Variants in C1orf159 observed in about 807,000 individuals in gnomAD.
C1orf159 encodes the protein chromosome 1 open reading frame 159, also known as uncharacterized protein C1orf159.
In C1orf159, 19 loss-of-function variants were observed where a neutral mutation model predicts 25.6. The ratio of observed to expected loss-of-function variants is 0.74; its 90% CI spans 0.52 to 1.09. The LOEUF (loss-of-function observed/expected upper bound fraction) is 1.09. Among genes scored for constraint, C1orf159 ranks in the 50% least tolerant of loss-of-function variants. The pLI, the probability that C1orf159 is intolerant of heterozygous loss-of-function variation, is 0.00. For synonymous variants in C1orf159, 139 were observed against 124.7 expected (o/e 1.12, Z -0.77); for missense variants, 274 against 290.6 (o/e 0.94, Z 0.42).
chr1:1,100,494 A>G (rs941099767), intron 1 of C1orf159, among the ~76,000 whole-genome samples: 1 of 152,118 alleles, frequency 6.6e-6, no homozygotes, highest in Non-Finnish European at 1.5e-5. Context: ...CGACAGTGAC[A>G]CATCACCACC....
At chr1:1,090,331 T>G in intron 4 of C1orf159, 22 bp downstream of exon 4, 1 of 1,550,352 alleles carries the variant, frequency 6.5e-7, no homozygotes, top group Non-Finnish European at 8.7e-7. Flanking sequence ...GTCTGGAATC[T>G]GCTTGGGACA....
Position 1,082,823 on chromosome 1 carries a change from C to G in C1orf159, c.*70G>C. 1 of 1,377,712 alleles carries G rather than the reference C, an allele frequency of 7.3e-7. No individual in the cohort carries two copies. The highest frequency in any genetic ancestry group is 1.0e-6 in the Non-Finnish European group (1 of 989,938). The allele number at this position is 1,377,712 out of a possible 1,614,324, so 85.3% of individuals were successfully genotyped here. On this transcript the variant is annotated 3_prime_UTR_variant, in exon 10 of 10. Transcript: ENST00000421241. ...CGCCGGGCGATGCCAACACTTTGTG[C>G]TGGTTCCCGCCAAGGGGTCGGCCTC...
chr1:1,082,994 C>T lies in C1orf159; in HGVS notation c.503-7G>A, dbSNP rs375601866. ...ACGTAGCGCGGCTTCCGTACTGAAA[C>T]GGGTCAGAGACAGGCGAGGTCAGAG... On this transcript the variant is annotated splice_region_variant and splice_polypyrimidine_tract_variant and intron_variant, in intron 9 of 9. Coordinates refer to ENST00000421241, the MANE Select transcript of C1orf159 (RefSeq NM_017891.5). The T allele has an allele frequency of 2.0e-5, 32 of 1,587,922 alleles. No homozygotes were observed. The highest frequency in any genetic ancestry group is 1.2e-4 in the African/African-American group (9 of 74,438).
chr1:1,082,273 A>T lies in C1orf159; in HGVS notation c.*620T>A, dbSNP rs1391774764. 1 of 154,180 alleles carries T rather than the reference A, an allele frequency of 6.5e-6. No homozygotes were observed. The highest frequency in any genetic ancestry group is 1.4e-5 in the Non-Finnish European group (1 of 69,130). The allele number at this position is 154,180 out of a possible 1,614,324, so 9.6% of individuals were successfully genotyped here. On this transcript the variant is annotated 3_prime_UTR_variant, in exon 10 of 10. Coordinates refer to ENST00000421241, the MANE Select transcript of C1orf159 (RefSeq NM_017891.5). ...GAATTTCTGCTTAAAAACAGAGATC[A>T]AGAGGAAGCTCTATCCTGCAGCTCC...
chr1:1,083,825 G>T, intron 9 of C1orf159: 1 of 1,237,514 alleles, frequency 8.1e-7, no homozygotes, highest in Non-Finnish European at 1.1e-6. Context: ...CGGAGGCCGG[G>T]TGAGCCCTGC....
Position 1,110,635 on chromosome 1 carries a change from A to G in C1orf159, c.-136+5425T>C, listed in dbSNP as rs1646244049. 6.6e-6 allele frequency among the ~76,000 whole-genome samples: 1 copy of G among 152,194 alleles called. No homozygotes were observed. The highest frequency in any genetic ancestry group is 6.5e-5 in the Admixed American group (1 of 15,280). ...TGTGGGGACACACAGAACCGCTGGGACTTCCACACCTGGGATGCAGCCTTC... is the reference window on the plus strand; with the variant it reads ...TGTGGGGACACACAGAACCGCTGGGGCTTCCACACCTGGGATGCAGCCTTC... On this transcript the variant is annotated intron_variant, in intron 1 of 9. Coordinates refer to ENST00000421241, the MANE Select transcript of C1orf159 (RefSeq NM_017891.5). The surrounding 1 kb of genome is among the most constrained non-coding windows in gnomAD (Gnocchi z 4.8).
chr1:1,089,968 G>A lies in C1orf159; in HGVS notation c.148+385C>T, dbSNP rs1645901150. Among the ~76,000 whole-genome samples the A allele has an allele frequency of 6.6e-6, 1 of 152,172 alleles. No homozygotes were observed. The highest frequency in any genetic ancestry group is 2.1e-4 in the South Asian group (1 of 4,832). Reference sequence around the variant, plus strand: ...CCACTCCACGCACCAGGGGCCAGCAGCACCTCTGCCCGAGCACGGACAGGC... The same window carrying A: ...CCACTCCACGCACCAGGGGCCAGCAACACCTCTGCCCGAGCACGGACAGGC... On this transcript the variant is annotated intron_variant, in intron 4 of 9. Transcript: ENST00000421241. The surrounding 1 kb of genome is among the most constrained non-coding windows in gnomAD (Gnocchi z 7.5).
At chr1:1,108,241 C>T (rs566020904) in intron 1 of C1orf159, among the ~76,000 whole-genome samples, 11 of 134,552 alleles carry the variant, frequency 8.2e-5, no homozygotes, top group Non-Finnish European at 1.6e-4. Flanking sequence ...TCAGCAGCAC[C>T]GTTCACCACA....
intron 4 of C1orf159, 27 bp downstream of exon 4, chr1:1,090,326 G>A: frequency 6.5e-7 from 1 of 1,550,076 alleles, no homozygotes; most frequent in East Asian, 2.4e-5. Context: ...GGCCGGTCTG[G>A]AATCTGCTTG....
At chr1:1,112,066 G>A (rs907158371) in intron 1 of C1orf159, among the ~76,000 whole-genome samples, 6 of 152,338 alleles carry the variant, frequency 3.9e-5, no homozygotes, top group African/African-American at 1.2e-4. Flanking sequence ...GCAGACGTGA[G>A]CAGGGCAGGA....
rs1281229205 is a variant in C1orf159 at position 1,090,986 on chromosome 1, G to A, written c.72+486C>T. On this transcript the variant is annotated intron_variant, in intron 3 of 9. Coordinates refer to ENST00000421241, the MANE Select transcript of C1orf159 (RefSeq NM_017891.5). The stretch of plus-strand genomic sequence containing the variant: ...ACAGCTGTGCTGTTTCTCGTGACCT[G>A]AATGCAGTGAACGGTGAGGGCGTCC... The A allele has an allele frequency of 3.9e-6, 6 of 1,548,776 alleles. No individual in the cohort carries two copies. The Admixed American group carries it at 1.2e-4, about 30-fold the overall frequency.
At chr1:1,090,931 C>T (rs1191967824) in intron 3 of C1orf159, 2 of 1,550,406 alleles carry the variant, frequency 1.3e-6, no homozygotes, top group Non-Finnish European at 1.7e-6. Context: ...GCCTGGGGGG[C>T]TCAGGGTACC....
chr1:1,091,864 G>C (rs902446832), intron 2 of C1orf159, 127 bp downstream of exon 2: 2 of 486,670 alleles, frequency 4.1e-6, no homozygotes, highest in Non-Finnish European at 7.9e-6. Flanking sequence ...AATGGAGATG[G>C]GGCAGGGCCG....
intron 3 of C1orf159, chr1:1,091,222 G>C (rs1645927666): frequency 1.6e-6 from 1 of 618,818 alleles, no homozygotes; most frequent in Non-Finnish European, 2.9e-6. Flanking sequence ...TTGCGGGCCA[G>C]GATGCCTCAC....
intron 1 of C1orf159, among the ~76,000 whole-genome samples, chr1:1,097,439 GTCTC>G (rs1295356682): frequency 2.0e-5 from 3 of 151,762 alleles, no homozygotes; most frequent in Non-Finnish European, 2.9e-5. Flanking sequence ...TTTCAAACAG[GTCTC>G]TCTCTGTCGC....
chr1:1,093,598 C>T (rs1645970800), intron 1 of C1orf159, among the ~76,000 whole-genome samples: 1 of 152,248 alleles, frequency 6.6e-6, no homozygotes, highest in Admixed American at 6.5e-5. Context: ...ACACACTGAC[C>T]TTTAGATCCT....
chr1:1,105,299 CGCTTGA>C (rs1646155256), intron 1 of C1orf159, among the ~76,000 whole-genome samples: 1 of 152,028 alleles, frequency 6.6e-6, no homozygotes, highest in Non-Finnish European at 1.5e-5. Flanking sequence ...GCTGGAGGAT[CGCTTGA>C]GGGCAGGAGT....
intron 1 of C1orf159, among the ~76,000 whole-genome samples, chr1:1,101,565 C>T (rs1430152472): frequency 1.3e-5 from 2 of 152,072 alleles, no homozygotes; most frequent in African/African-American, 2.4e-5. Context: ...CATGGTCTAT[C>T]GGCTCAGGGT....
intron 7 of C1orf159, 105 bp from the exon 8 acceptor site, chr1:1,084,611 G>A: frequency 7.0e-7 from 1 of 1,429,394 alleles, no homozygotes; most frequent in Admixed American, 2.1e-5. Flanking sequence ...CTCAGCCTCA[G>A]CCCAGTGCGG....
Sources: allele counts gnomAD v4.1 joint callset (sites outside exome capture counted in the v4.1 genomes callset), GRCh38; gene constraint gnomAD v4.1.1; non-coding constraint Gnocchi (gnomAD v3.1); transcripts MANE v1.5; gene names NCBI Gene and HGNC (gene_info 2026-07-23, HGNC 2026-07-21).